Variants in NCOR1 observed in about 807,000 individuals in gnomAD.
NCOR1 encodes nuclear receptor corepressor 1, also known as protein phosphatase 1, regulatory subunit 109.
In NCOR1, 63 loss-of-function variants were observed where a neutral mutation model predicts 288.1. That is an observed-to-expected ratio of 0.22 (90% CI 0.18 to 0.27). NCOR1 has a LOEUF of 0.27. Ranked by LOEUF, NCOR1 falls within the 10% of genes least tolerant of loss-of-function variation. NCOR1 has a pLI of 1.00. For missense variants in NCOR1, 2,397 were observed against 3,019.2 expected, an observed-to-expected ratio of 0.79 and a Z score of 4.83; for synonymous variants, 1,007 against 1,065.9, an observed-to-expected ratio of 0.94 and a Z score of 1.08.
chr17:16,188,722 A>G (rs1357370376), intron 2 of NCOR1, among the ~76,000 whole-genome samples: 1 of 152,032 alleles, frequency 6.6e-6, no homozygotes, highest in African/African-American at 2.4e-5. Context: ...TATTAATAAT[A>G]GCCTCAAAAA....
At chr17:16,210,774 G>C (rs1191895017) in intron 1 of NCOR1, among the ~76,000 whole-genome samples, 1 of 150,522 alleles carries the variant, frequency 6.6e-6, no homozygotes, top group Non-Finnish European at 1.5e-5. Flanking sequence ...CAGTCACCCA[G>C]GCTGGAGTGC....
chr17:16,127,909 T>C (rs1225440066), intron 14 of NCOR1, among the ~76,000 whole-genome samples: 4 of 151,860 alleles, frequency 2.6e-5, no homozygotes, highest in Admixed American at 6.6e-5. Context: ...TACAGTACAG[T>C]GGCATGATCA....
At chr17:16,131,886 T>C (rs1031370961) in intron 14 of NCOR1, among the ~76,000 whole-genome samples, 2 of 152,326 alleles carry the variant, frequency 1.3e-5, no homozygotes, top group East Asian at 3.9e-4. Flanking sequence ...CAGTTCTTAT[T>C]AACCATGCAA....
intron 3 of NCOR1, among the ~76,000 whole-genome samples, chr17:16,174,121 A>T (rs998168211): frequency 3.9e-5 from 6 of 152,258 alleles, no homozygotes; most frequent in African/African-American, 1.2e-4. Flanking sequence ...TGACAATACT[A>T]CACAAAGCAA....
rs2065562209 is a variant in NCOR1 at position 16,092,687 on chromosome 17, ATATATATATTTTTTTTTTT to A, written c.2821-648_2821-630del. ...TATATATATATATATATATATATAT[ATATATATATTTTTTTTTTT>A]TTTTTTTTTTAAGACATAGTCTCAC... is the stretch of plus-strand genomic sequence containing the variant. On this transcript the variant is annotated intron_variant, in intron 21 of 45. Transcript: ENST00000268712. 3.5e-4 allele frequency among the ~76,000 whole-genome samples: 4 copies of A among 11,536 alleles called. No homozygotes were observed. The South Asian group carries it at 0.023, about 66-fold the overall frequency. 7.6% of individuals were successfully genotyped at this position (11,536 alleles called of 152,430 possible).
intron 10 of NCOR1, among the ~76,000 whole-genome samples, chr17:16,144,281 TCTTA>T (rs923601550): frequency 2.6e-5 from 4 of 152,238 alleles, no homozygotes; most frequent in Non-Finnish European, 5.9e-5. Context: ...TTAGGTCTGT[TCTTA>T]CTCACTGTCA....
chr17:16,173,659 G>A (rs1412618462), intron 3 of NCOR1, among the ~76,000 whole-genome samples: 1 of 152,164 alleles, frequency 6.6e-6, no homozygotes, highest in Non-Finnish European at 1.5e-5. Context: ...GCTGGGTGCG[G>A]TGGCTCACAC....
At chr17:16,171,373 T>A (rs1251710680) in intron 4 of NCOR1, among the ~76,000 whole-genome samples, 1 of 152,196 alleles carries the variant, frequency 6.6e-6, no homozygotes, top group Non-Finnish European at 1.5e-5. Flanking sequence ...AGAACTTATA[T>A]GCACAATTCA....
At position 16,057,980 on chromosome 17, in the gene NCOR1, G is replaced by A. The variant is rs1011702898; in HGVS notation, c.6095C>T (p.Pro2032Leu). The change falls in exon 39 of 46, where the codon CCT (proline) becomes CTT (leucine). Residue 2032 changes from proline (P) to leucine (L), a missense_variant. Pro to Leu is a moderately conservative substitution (Grantham distance 98). This residue lies in a region of NCOR1 where 1,872 missense variants were observed against 2,187.8 expected (regional missense o/e 0.86). Transcript: ENST00000268712. Reference sequence around the variant, plus strand: ...CCCCATTCCCTCTGCCTGTGAAGAAGGGGGCAGCTGTTGTTGGGGAGATGG... The same window carrying A: ...CCCCATTCCCTCTGCCTGTGAAGAAAGGGGCAGCTGTTGTTGGGGAGATGG... ...ESPSPQQQLP[P>L]SSQAEGMGQV... The A allele has an allele frequency of 1.9e-6, 3 of 1,614,152 alleles. No individual in the cohort carries two copies. Among genetic ancestry groups the A allele is most frequent in the Non-Finnish European group, 2.5e-6 (3 of 1,179,998 alleles).
chr17:16,060,240 T>C (rs979368726), intron 37 of NCOR1, among the ~76,000 whole-genome samples: 6 of 152,166 alleles, frequency 3.9e-5, no homozygotes, highest in South Asian at 2.1e-4. Flanking sequence ...CACAGAGACA[T>C]GGACACTCAG....
intron 5 of NCOR1, among the ~76,000 whole-genome samples, chr17:16,163,452 T>C (rs2081302822): frequency 6.6e-6 from 1 of 151,954 alleles, no homozygotes; most frequent in Non-Finnish European, 1.5e-5. Flanking sequence ...AAATGAAAAC[T>C]ACAACTAGAT....
chr17:16,151,006 CAT>C, intron 8 of NCOR1, among the ~76,000 whole-genome samples: 1 of 151,488 alleles, frequency 6.6e-6, no homozygotes, highest in Non-Finnish European at 1.5e-5. Context: ...AATAATTGCA[CAT>C]ACTCTCAGTT....
At position 16,061,818 on chromosome 17, in the gene NCOR1, C is replaced by A. The variant is rs759016721; in HGVS notation, c.5464G>T (p.Ala1822Ser). 13 of 1,614,088 alleles carry A rather than the reference C, an allele frequency of 8.1e-6. No individual in the cohort carries two copies. In the Admixed American group the frequency reaches 2.2e-4, roughly 27 times the overall value. ...GAAGCTGCAGCATCCACAAGAGCAGCCAGGGCATCCGCAGCAGTGTTGTAA... is the reference window on the plus strand; with the variant it reads ...GAAGCTGCAGCATCCACAAGAGCAGACAGGGCATCCGCAGCAGTGTTGTAA... ...SRYNTAADAL[A>S]ALVDAAASAP... The change falls in exon 37 of 46, where the codon GCT becomes TCT. Residue 1822 changes from alanine to serine, a missense_variant. This residue lies in a region of NCOR1 where 1,872 missense variants were observed against 2,187.8 expected (regional missense o/e 0.86). Coordinates refer to ENST00000268712, the MANE Select transcript of NCOR1 (RefSeq NM_006311.4).
At chr17:16,063,743 A>G (rs901529772) in intron 35 of NCOR1, among the ~76,000 whole-genome samples, 3 of 152,096 alleles carry the variant, frequency 2.0e-5, no homozygotes, top group Admixed American at 2.0e-4. Flanking sequence ...AAGCTCAACA[A>G]CACCTTTATA....
chr17:16,203,211 C>T (rs1219175852), intron 1 of NCOR1, among the ~76,000 whole-genome samples: 1 of 152,220 alleles, frequency 6.6e-6, no homozygotes, highest in African/African-American at 2.4e-5. Flanking sequence ...TAAATCAGAA[C>T]ATGTCACTCT....
chr17:16,108,897 G>T lies in NCOR1; in HGVS notation c.2071C>A (p.Arg691Ser). The part of the protein sequence containing the change: ...QHKQKTSRKP[R>S]EERDVSQCES... ...CATTGAGACACATCTCGCTCTTCAC[G>T]AGGTTTTCGTGAAGTCTAAAGGAGG... Residue 691 changes from arginine (R) to serine (S), a missense_variant, in exon 19 of 46, where the codon CGT becomes AGT. Coordinates refer to ENST00000268712, the MANE Select transcript of NCOR1 (RefSeq NM_006311.4). The T allele has an allele frequency of 6.3e-7, 1 of 1,591,106 alleles. No homozygotes were observed. The highest frequency in any genetic ancestry group is 1.2e-5 in the South Asian group (1 of 86,458).
At chr17:16,128,619 C>T (rs374361483) in intron 14 of NCOR1, among the ~76,000 whole-genome samples, 4 of 152,332 alleles carry the variant, frequency 2.6e-5, no homozygotes, top group South Asian at 2.1e-4. Context: ...CCTCCAATCT[C>T]GACTGTTCAT....
At chr17:16,131,574 G>A (rs1356793120) in intron 14 of NCOR1, among the ~76,000 whole-genome samples, 3 of 152,032 alleles carry the variant, frequency 2.0e-5, no homozygotes, top group Admixed American at 6.5e-5. Context: ...ATAACAAGCA[G>A]CAATTGTAAA....
In NCOR1 at chr17:16,127,289, A is replaced by ATATG. The variant is rs1172547900; in HGVS notation, c.1510-1087_1510-1084dup. Among the ~76,000 whole-genome samples, 5 of 84,478 alleles carry ATATG rather than the reference A, an allele frequency of 5.9e-5. 2 individuals carry two copies. The highest frequency in any genetic ancestry group is 1.1e-4 in the African/African-American group (2 of 18,768). The allele number at this position is 84,478 out of a possible 152,430, so 55.4% of individuals were successfully genotyped here. ...TATATGTATGTATATATACGTGTAT[A>ATATG]TATGTATGTATGTATATATACATGT... On this transcript the variant is annotated intron_variant, in intron 14 of 45. Coordinates refer to ENST00000268712, the MANE Select transcript of NCOR1 (RefSeq NM_006311.4).
Sources: allele counts gnomAD v4.1 joint callset (sites outside exome capture counted in the v4.1 genomes callset), GRCh38; gene constraint gnomAD v4.1.1; regional missense constraint gnomAD v4.1.1; transcripts MANE v1.5; gene names NCBI Gene and HGNC (gene_info 2026-07-23, HGNC 2026-07-21).